The following OTOGL variants were observed in gnomAD, a reference collection of about 807,000 sequenced individuals.
OTOGL encodes otogelin-like protein.
OTOGL carries 285 observed loss-of-function variants against 318.5 expected under a neutral mutation model. The observed-to-expected ratio is 0.89, with a 90% CI of 0.81 to 0.99. The LOEUF is 0.99. Ranked by LOEUF, OTOGL falls within the 50% of genes least tolerant of loss-of-function variation. The pLI is 0.00. For missense variants in OTOGL, 2,899 were observed against 2,845.6 expected, an observed-to-expected ratio of 1.02 and a Z score of -0.43; for synonymous variants, 987 against 936.5, an observed-to-expected ratio of 1.05 and a Z score of -0.99.
intron 43 of OTOGL, among the ~76,000 whole-genome samples, chr12:80,340,491 T>C (rs529671322): frequency 6.6e-6 from 1 of 152,160 alleles, no homozygotes; most frequent in Non-Finnish European, 1.5e-5. Flanking sequence ...TGAAGGGTAT[T>C]ATTTCAGTTT....
intron 1 of OTOGL, among the ~76,000 whole-genome samples, chr12:80,139,419 C>T (rs1113540): frequency 0.6 from 91,706 of 152,078 alleles, 28,253 homozygotes; most frequent in African/African-American, 0.73. Flanking sequence ...CCAGTTACAA[C>T]GTTCAGTGTT....
intron 4 of OTOGL, among the ~76,000 whole-genome samples, chr12:80,215,357 G>A (rs1189121423): frequency 6.6e-6 from 1 of 151,810 alleles, no homozygotes; most frequent in African/African-American, 2.4e-5. Context: ...AGTAGAGATG[G>A]GGTTTCACCA....
chr12:80,295,153 C>G (rs913640869), intron 26 of OTOGL, among the ~76,000 whole-genome samples: 1 of 100,734 alleles, frequency 9.9e-6, no homozygotes, highest in African/African-American at 4.5e-5. Flanking sequence ...GTATGATTGC[C>G]GAACTTTTTT....
intron 52 of OTOGL, among the ~76,000 whole-genome samples, chr12:80,363,811 G>A (rs1185164562): frequency 2.6e-5 from 4 of 152,090 alleles, no homozygotes; most frequent in Non-Finnish European, 5.9e-5. Context: ...CCTCCTATGG[G>A]ATTTTATACT....
At chr12:80,190,992 T>G (rs1296006482) in intron 1 of OTOGL, among the ~76,000 whole-genome samples, 1 of 152,254 alleles carries the variant, frequency 6.6e-6, no homozygotes, top group African/African-American at 2.4e-5. Context: ...ATTCACTGAT[T>G]AGGCTTTCTG....
chr12:80,355,626 A>T (rs1429740262), intron 46 of OTOGL, 110 bp from the exon 47 acceptor site: 2 of 775,170 alleles, frequency 2.6e-6, no homozygotes, highest in Non-Finnish European at 4.1e-6. Flanking sequence ...TAGACTTGTG[A>T]CACATCATTA....
Position 80,170,025 on chromosome 12 carries a change from G to A in OTOGL, c.-19-39388G>A, listed in dbSNP as rs138594985. Among the ~76,000 whole-genome samples, 15 of 152,204 alleles carry A rather than the reference G, an allele frequency of 9.9e-5. No individual in the cohort carries two copies. In the East Asian group the frequency reaches 2.7e-3, roughly 27 times the overall value. ...TTCATTTCTTTTGAGTAAATACCTA[G>A]GAGTAAATGAGTGGGTCATATGGTA... On this transcript the variant is annotated intron_variant, in intron 1 of 58. Transcript: ENST00000547103.
At chr12:80,268,953 A>C (rs1883208922) in intron 22 of OTOGL, among the ~76,000 whole-genome samples, 1 of 151,856 alleles carries the variant, frequency 6.6e-6, no homozygotes, top group Admixed American at 6.6e-5. Context: ...ATCAAAATTC[A>C]CTTAATATAG....
chr12:80,110,216 C>T (rs1444791386), intron 1 of OTOGL, among the ~76,000 whole-genome samples: 6 of 151,894 alleles, frequency 4.0e-5, no homozygotes, highest in East Asian at 3.9e-4. Context: ...TACAGGCGCC[C>T]GCCACCACAC....
Position 80,143,925 on chromosome 12 carries a change from T to C in OTOGL, c.-20+44320T>C, listed in dbSNP as rs74108523. Among the ~76,000 whole-genome samples the C allele has an allele frequency of 4.8e-3, 725 of 152,194 alleles. 5 individuals are homozygous for C. The highest frequency in any genetic ancestry group is 0.017 in the African/African-American group (691 of 41,542). On this transcript the variant is annotated intron_variant, in intron 1 of 58. Coordinates refer to ENST00000547103, the MANE Select transcript of OTOGL (RefSeq NM_001378609.3). ...ATCTAGTTCTTCCATGCTAAAAGAGTTAATGGTATTCTAAAAGGGACTAAT... is the reference window on the plus strand; with the variant it reads ...ATCTAGTTCTTCCATGCTAAAAGAGCTAATGGTATTCTAAAAGGGACTAAT...
intron 24 of OTOGL, among the ~76,000 whole-genome samples, chr12:80,277,760 A>G (rs909197276): frequency 1.3e-5 from 2 of 151,542 alleles, no homozygotes; most frequent in Non-Finnish European, 3.0e-5. Flanking sequence ...AAAAATGTTA[A>G]CCATTTAATA....
chr12:80,126,995 A>T (rs1217387697), intron 1 of OTOGL, among the ~76,000 whole-genome samples: 1 of 152,174 alleles, frequency 6.6e-6, no homozygotes, highest in Non-Finnish European at 1.5e-5. Context: ...CTCTTTATCC[A>T]ATTTGCCAGT....
At position 80,244,172 on chromosome 12, in the gene OTOGL, CT is replaced by C. The variant is rs1190173197; in HGVS notation, c.1052+4746del. On this transcript the variant is annotated intron_variant, in intron 11 of 58. Coordinates refer to ENST00000547103, the MANE Select transcript of OTOGL (RefSeq NM_001378609.3). ...CGAAAGTCCTATTTTTTCTTTTTTTCTTTTTTTTTTTTTATACTTTAAGTTT... is the reference window on the plus strand; with the variant it reads ...CGAAAGTCCTATTTTTTCTTTTTTTCTTTTTTTTTTTTATACTTTAAGTTT... 8.2e-3 allele frequency among the ~76,000 whole-genome samples: 1,161 copies of C among 141,612 alleles called. 4 individuals carry two copies. Among genetic ancestry groups the C allele is most frequent in the Middle Eastern group, 0.019 (5 of 270 alleles). The allele number at this position is 141,612 out of a possible 152,430, so 92.9% of individuals were successfully genotyped here.
chr12:80,284,763 T>C (rs907974662), intron 26 of OTOGL, among the ~76,000 whole-genome samples: 1 of 152,232 alleles, frequency 6.6e-6, no homozygotes, highest in Non-Finnish European at 1.5e-5. Context: ...AAGTTCCTTG[T>C]AGATTCTGGA....
At chr12:80,318,362 T>A (rs1413006151) in intron 32 of OTOGL, among the ~76,000 whole-genome samples, 184 bp from the exon 33 acceptor site, 1 of 152,132 alleles carries the variant, frequency 6.6e-6, no homozygotes, top group East Asian at 1.9e-4. Context: ...AACACGAACA[T>A]CTACATATAC....
chr12:80,356,799 T>C lies in OTOGL; in HGVS notation c.5912-8T>C. ...TACAAATTTTCTAATGTAATTTTGT[T>C]TCTGCAGAATGTGACCCATTGAAAT... On this transcript the variant is annotated splice_region_variant and splice_polypyrimidine_tract_variant and intron_variant, in intron 48 of 58. Coordinates refer to ENST00000547103, the MANE Select transcript of OTOGL (RefSeq NM_001378609.3). The C allele has an allele frequency of 6.4e-7, 1 of 1,552,856 alleles. No homozygotes were observed. The highest frequency in any genetic ancestry group is 8.7e-7 in the Non-Finnish European group (1 of 1,144,322).
rs375236755 is a variant in OTOGL, at chr12:80,336,409, A to G, written c.4601-4A>G. 6.3e-7 allele frequency: 1 copy of G among 1,580,458 alleles called. No individual in the cohort carries two copies. Among genetic ancestry groups the G allele is most frequent in the Non-Finnish European group, 8.6e-7 (1 of 1,166,516 alleles). On this transcript the variant is annotated splice_region_variant and splice_polypyrimidine_tract_variant and intron_variant, in intron 39 of 58. Coordinates refer to ENST00000547103, the MANE Select transcript of OTOGL (RefSeq NM_001378609.3). Reference sequence around the variant, plus strand: ...ACTAAATCCACTTTCCACCATTTTTATAGGTCGGTGTTCCATGTTGTCAGA... The same window carrying G: ...ACTAAATCCACTTTCCACCATTTTTGTAGGTCGGTGTTCCATGTTGTCAGA...
chr12:80,109,703 G>A (rs1382025538), intron 1 of OTOGL, among the ~76,000 whole-genome samples: 1 of 152,192 alleles, frequency 6.6e-6, no homozygotes, highest in Non-Finnish European at 1.5e-5. Context: ...ATCAAAGGAT[G>A]AGAGAAGTGC....
At position 80,368,328 on chromosome 12, in the gene OTOGL, A is replaced by G; in HGVS notation, c.6615+19A>G. The stretch of plus-strand genomic sequence containing the variant: ...ATACGCGGTATGTTTCATGGAGAGT[A>G]ATGCTCTGTGCTATTTTCTGAAGGA... On this transcript the variant is annotated intron_variant, in intron 55 of 58. Coordinates refer to ENST00000547103, the MANE Select transcript of OTOGL (RefSeq NM_001378609.3). The G allele has an allele frequency of 6.5e-7, 1 of 1,533,096 alleles. No homozygotes were observed. The highest frequency in any genetic ancestry group is 1.2e-5 in the South Asian group (1 of 84,590). 95.0% of individuals were successfully genotyped at this position (1,533,096 alleles called of 1,614,324 possible).
Sources: allele counts gnomAD v4.1 joint callset (sites outside exome capture counted in the v4.1 genomes callset), GRCh38; gene constraint gnomAD v4.1.1; transcripts MANE v1.5; gene names NCBI Gene and HGNC (gene_info 2026-07-23, HGNC 2026-07-21).